Variants in CSE1L observed in about 807,000 individuals in gnomAD.
CSE1L encodes exportin-2.
In CSE1L, 24 loss-of-function variants were observed where a neutral mutation model predicts 120.4. That is an observed-to-expected ratio of 0.20 (90% confidence interval 0.14 to 0.28). The LOEUF is 0.28. Ranked by LOEUF, CSE1L falls within the 10% of genes least tolerant of loss-of-function variation. The pLI is 1.00. For synonymous variants in CSE1L, 402 were observed against 398.3 expected (o/e 1.01, Z -0.11); for missense variants, 830 against 1,145.2 (o/e 0.72, Z 3.97).
At chr20:49,051,624 C>T (rs183609148) in intron 1 of CSE1L, among the ~76,000 whole-genome samples, 92 of 152,326 alleles carry the variant, frequency 6.0e-4, no homozygotes, top group African/African-American at 2.1e-3. Flanking sequence ...GCTCTGCAGG[C>T]AGAAGGAATG....
In CSE1L at chr20:49,074,895, T is replaced by G. The variant is rs770975950; in HGVS notation, c.1132+45T>G. ...AGTTACTAGTCTCTTAGCAAGCCAGTTTTAAGGTGGTTCTCTTTCTAGTAA... is the reference window on the plus strand; with the variant it reads ...AGTTACTAGTCTCTTAGCAAGCCAGGTTTAAGGTGGTTCTCTTTCTAGTAA... On this transcript the variant is annotated intron_variant, in intron 11 of 24. Coordinates refer to ENST00000262982, the MANE Select transcript of CSE1L (RefSeq NM_001316.4). 4.8e-6 allele frequency: 7 copies of G among 1,459,092 alleles called. No homozygotes were observed. The African/African-American group carries it at 9.9e-5, about 21-fold the overall frequency. 90.4% of individuals were successfully genotyped at this position (1,459,092 alleles called of 1,614,324 possible).
chr20:49,049,580 T>C (rs2091749964), intron 1 of CSE1L, among the ~76,000 whole-genome samples: 1 of 152,224 alleles, frequency 6.6e-6, no homozygotes, highest in Admixed American at 6.5e-5. Context: ...GTACCTTTAC[T>C]TGTGGTTGCA....
intron 16 of CSE1L, among the ~76,000 whole-genome samples, 176 bp downstream of exon 16, chr20:49,085,562 ATTTTTTTT>A (rs11471947): frequency 1.0e-4 from 8 of 80,202 alleles, no homozygotes; most frequent in African/African-American, 2.2e-4. Flanking sequence ...ACTAACAATA[ATTTTTTTT>A]TTTTTTTTTT....
At chr20:49,046,558 G>A (rs530201102) in intron 1 of CSE1L, 135 bp downstream of exon 1, 1 of 152,450 alleles carries the variant, frequency 6.6e-6, no homozygotes, top group African/African-American at 2.4e-5. Context: ...ATGTGGGCCC[G>A]GGGTTCGGGT....
chr20:49,075,613 A>C (rs1340412359), intron 12 of CSE1L, 93 bp downstream of exon 12: 4 of 946,290 alleles, frequency 4.2e-6, no homozygotes, highest in Non-Finnish European at 6.5e-6. Flanking sequence ...AATAGAGCTT[A>C]CTCTGCCAGA....
At chr20:49,091,926 G>T in intron 21 of CSE1L, 120 bp from the exon 22 acceptor site, 1 of 640,846 alleles carries the variant, frequency 1.6e-6, no homozygotes, top group African/African-American at 1.9e-5. Flanking sequence ...TAGAAGGCAG[G>T]TATTGATGCC....
At chr20:49,089,463 A>C in intron 18 of CSE1L, 66 bp downstream of exon 18, 1 of 1,606,060 alleles carries the variant, frequency 6.2e-7, no homozygotes, top group African/African-American at 1.3e-5. Context: ...AATGCAGCCC[A>C]CCTAAGCGAT....
At chr20:49,081,398 T>C (rs2145739777) in intron 14 of CSE1L, among the ~76,000 whole-genome samples, 2 of 152,060 alleles carry the variant, frequency 1.3e-5, no homozygotes, top group Non-Finnish European at 2.9e-5. Flanking sequence ...GTCCTCCCAC[T>C]TTCAGCCTCC....
intron 1 of CSE1L, 150 bp from the exon 2 acceptor site, chr20:49,058,303 C>G (rs1314686757): frequency 6.8e-6 from 3 of 438,156 alleles, no homozygotes; most frequent in East Asian, 6.7e-5. Flanking sequence ...TTGCTGGACT[C>G]TTGTCTCAGA....
chr20:49,075,145 T>C (rs2091960160), intron 11 of CSE1L, among the ~76,000 whole-genome samples, 173 bp from the exon 12 acceptor site: 1 of 152,190 alleles, frequency 6.6e-6, no homozygotes. Context: ...GGAATGTTTT[T>C]TTCATTGTTT....
At chr20:49,085,589 T>TTTTTTTTTTG (rs11474758) in intron 16 of CSE1L, among the ~76,000 whole-genome samples, 2 of 138,756 alleles carry the variant, frequency 1.4e-5, no homozygotes, top group Non-Finnish European at 1.6e-5. Flanking sequence ...TTTTTTTTTT[T>TTTTTTTTTTG]GAGATGGAGC....
intron 3 of CSE1L, among the ~76,000 whole-genome samples, chr20:49,065,330 T>A (rs1401050541): frequency 2.5e-5 from 3 of 121,538 alleles, no homozygotes; most frequent in Non-Finnish European, 5.3e-5. Context: ...TTTTTTTTTT[T>A]TTTTTTTTTT....
intron 1 of CSE1L, among the ~76,000 whole-genome samples, chr20:49,047,564 C>CTTTTTTTTTCTTTTTTTT (rs2091726900): frequency 1.4e-5 from 1 of 69,928 alleles, no homozygotes; most frequent in Non-Finnish European, 2.6e-5. Context: ...TTTCTCTTTT[C>CTTTTTTTTTCTTTTTTTT]TTTTTTTTTT....
chr20:49,088,495 C>T (rs2092076973), intron 17 of CSE1L, among the ~76,000 whole-genome samples: 1 of 152,158 alleles, frequency 6.6e-6, no homozygotes, highest in Non-Finnish European at 1.5e-5. Flanking sequence ...CTTCCTTACT[C>T]TTATTTCTCA....
rs1438659466 is a variant in CSE1L at position 49,046,373 on chromosome 20, A to G, written c.-62A>G. 2.0e-5 allele frequency: 3 copies of G among 152,620 alleles called. No individual in the cohort carries two copies. In the East Asian group the frequency reaches 5.8e-4, roughly 29 times the overall value. The allele number at this position is 152,620 out of a possible 1,614,324, so 9.5% of individuals were successfully genotyped here. A position where few individuals can be genotyped will look rare whatever the true frequency, so the allele number is the denominator to read the frequency against. On this transcript the variant is annotated 5_prime_UTR_variant, in exon 1 of 25. Transcript: ENST00000262982. ...AGCGGCGGCAGGAGCGGGTAGTGCC[A>G]GCTACGGTCCGCGGCTGGGGTTCCC...
intron 11 of CSE1L, 68 bp downstream of exon 11, chr20:49,074,918 T>G: frequency 8.7e-7 from 1 of 1,150,272 alleles, no homozygotes; most frequent in Non-Finnish European, 1.3e-6. Flanking sequence ...CTCTTTCTAG[T>G]AAATGGGAGA....
At chr20:49,085,681 C>T (rs2092050985) in intron 16 of CSE1L, among the ~76,000 whole-genome samples, 1 of 143,298 alleles carries the variant, frequency 7.0e-6, no homozygotes, top group African/African-American at 2.6e-5. Context: ...AAGCGATTCT[C>T]CTGCCTCAGC....
chr20:49,053,143 C>CT (rs2091780453), intron 1 of CSE1L, among the ~76,000 whole-genome samples: 1 of 111,214 alleles, frequency 9.0e-6, no homozygotes, highest in Non-Finnish European at 1.8e-5. Flanking sequence ...GACCCCCTGT[C>CT]TCTCTTTTTT....
At chr20:49,085,561 A>ATT (rs1568783976) in intron 16 of CSE1L, among the ~76,000 whole-genome samples, 175 bp downstream of exon 16, 4 of 63,408 alleles carry the variant, frequency 6.3e-5, no homozygotes, top group African/African-American at 2.0e-4. Flanking sequence ...TACTAACAAT[A>ATT]ATTTTTTTTT....
Sources: allele counts gnomAD v4.1 joint callset (sites outside exome capture counted in the v4.1 genomes callset), GRCh38; gene constraint gnomAD v4.1.1; transcripts MANE v1.5; gene names NCBI Gene and HGNC (gene_info 2026-07-23, HGNC 2026-07-21).